The following ANK1 variants were observed in gnomAD, a reference collection of about 807,000 sequenced individuals.
ANK1 encodes ankyrin 1.
Under a neutral mutation model 210.4 loss-of-function variants are expected in ANK1, and 51 were observed. The ratio of observed to expected loss-of-function variants is 0.24; its 90% CI spans 0.19 to 0.31. The LOEUF (loss-of-function observed/expected upper bound fraction) is 0.31, where lower values mean the gene tolerates loss of function less well. Ranked by LOEUF, ANK1 falls within the 10% of genes least tolerant of loss-of-function variation. The probability of loss-of-function intolerance (pLI) is 1.00; values close to 1 mark genes in which losing one functional copy is unlikely to be tolerated. For missense variants in ANK1, 2,051 were observed against 2,504.4 expected, an observed-to-expected ratio of 0.82 and a Z score of 3.86; for synonymous variants, 967 against 1,025.9, an observed-to-expected ratio of 0.94 and a Z score of 1.10.
At chr8:41,857,541 C>G (rs1338403284) in intron 1 of ANK1, among the ~76,000 whole-genome samples, 2 of 151,814 alleles carry the variant, frequency 1.3e-5, no homozygotes, top group Non-Finnish European at 2.9e-5. Flanking sequence ...GAGTTCGAGA[C>G]CAGCCTGACC....
At chr8:41,896,252 C>T in intron 1 of ANK1, 1 of 1,393,742 alleles carries the variant, frequency 7.2e-7, no homozygotes. Flanking sequence ...CTCCGCCGCA[C>T]CGGGCGCCGC....
rs369257102 is a variant in ANK1, at chr8:41,864,066, C to T, written c.126+32289G>A. ...GAGATCCAGAGCATCCTGGCTAGCA[C>T]GGTGAAACCCCGTCTCTACTAAAAA... is the stretch of plus-strand genomic sequence containing the variant. On this transcript the variant is annotated intron_variant, in intron 1 of 42. Transcript: ENST00000265709. Among the ~76,000 whole-genome samples the T allele has an allele frequency of 9.2e-5, 14 of 151,954 alleles. No homozygotes were observed. The East Asian group carries it at 9.7e-4, about 10-fold the overall frequency.
At chr8:41,735,311 C>T (rs916576825) in intron 2 of ANK1, among the ~76,000 whole-genome samples, 3 of 152,184 alleles carry the variant, frequency 2.0e-5, no homozygotes, top group African/African-American at 7.2e-5. Context: ...ATCTTGGCTC[C>T]GTACAGAAAA....
At chr8:41,823,416 T>C (rs1234830929) in intron 1 of ANK1, among the ~76,000 whole-genome samples, 2 of 152,342 alleles carry the variant, frequency 1.3e-5, no homozygotes, top group East Asian at 3.9e-4. Flanking sequence ...TTCAATGTAG[T>C]TGTATTTTCT....
chr8:41,855,182 T>G (rs921287109), intron 1 of ANK1, among the ~76,000 whole-genome samples: 29 of 152,010 alleles, frequency 1.9e-4, no homozygotes, highest in African/African-American at 6.8e-4. Context: ...GATTGACAGG[T>G]AGATAGATAG....
chr8:41,703,440 A>T lies in ANK1; in HGVS notation c.2295+601T>A, dbSNP rs1386889739. 2.1e-3 allele frequency among the ~76,000 whole-genome samples: 146 copies of T among 68,762 alleles called. 4 individuals carry two copies. Among genetic ancestry groups the T allele is most frequent in the African/African-American group, 8.2e-3 (141 of 17,216 alleles). The allele number at this position is 68,762 out of a possible 152,430, so 45.1% of individuals were successfully genotyped here. A position where few individuals can be genotyped will look rare whatever the true frequency, so the allele number is the denominator to read the frequency against. Reference sequence around the variant, plus strand: ...TGTGTGTGTATATATATATATATATATATATATATATTTTTTTTTTTTTTT... The same window carrying T: ...TGTGTGTGTATATATATATATATATTTATATATATATTTTTTTTTTTTTTT... On this transcript the variant is annotated intron_variant, in intron 20 of 42. Transcript: ENST00000289734.
At chr8:41,820,792 A>G (rs1392600460) in intron 1 of ANK1, among the ~76,000 whole-genome samples, 1 of 152,212 alleles carries the variant, frequency 6.6e-6, no homozygotes, top group Non-Finnish European at 1.5e-5. Context: ...AGAGTCCCAC[A>G]AAATATGAGA....
At chr8:41,790,916 T>C (rs1026156265) in intron 1 of ANK1, among the ~76,000 whole-genome samples, 2 of 152,180 alleles carry the variant, frequency 1.3e-5, no homozygotes, top group African/African-American at 2.4e-5. Context: ...ATGAGGGTCC[T>C]CTAGCCATTG....
At chr8:41,701,667 A>C (rs1586235268) in intron 21 of ANK1, 45 bp from the exon 22 acceptor site, 1 of 1,495,340 alleles carries the variant, frequency 6.7e-7, no homozygotes, top group South Asian at 1.1e-5. Context: ...CTAGAGCCGC[A>C]CACATTTTTT....
At chr8:41,665,325 C>A in intron 39 of ANK1, 1 of 1,346,070 alleles carries the variant, frequency 7.4e-7, no homozygotes, top group Non-Finnish European at 9.8e-7. Flanking sequence ...AACCAGCTGC[C>A]GGAGCTGTCC....
chr8:41,695,941 G>A (rs538974235), intron 26 of ANK1, among the ~76,000 whole-genome samples: 12 of 149,454 alleles, frequency 8.0e-5, no homozygotes, highest in East Asian at 7.9e-4. Flanking sequence ...CAGGGGAAAC[G>A]GCCAGGGAGG....
At chr8:41,877,228 G>T (rs1340070712) in intron 1 of ANK1, among the ~76,000 whole-genome samples, 1 of 152,258 alleles carries the variant, frequency 6.6e-6, no homozygotes, top group African/African-American at 2.4e-5. Flanking sequence ...GGTGAAAAGG[G>T]TGGGACCCGC....
chr8:41,884,127 A>T (rs1818048185), intron 1 of ANK1, among the ~76,000 whole-genome samples: 1 of 152,166 alleles, frequency 6.6e-6, no homozygotes, highest in Non-Finnish European at 1.5e-5. Context: ...AGGCAGACAG[A>T]TTTCTTGAGA....
At chr8:41,842,251 G>C (rs1303651774) in intron 1 of ANK1, among the ~76,000 whole-genome samples, 1 of 152,204 alleles carries the variant, frequency 6.6e-6, no homozygotes, top group African/African-American at 2.4e-5. Context: ...CCAGCACTTT[G>C]GGAGGCCAAG....
In ANK1 at chr8:41,694,135, C is replaced by T; in HGVS notation, c.3328-33G>A. On this transcript the variant is annotated intron_variant, in intron 28 of 42. Coordinates refer to ENST00000289734, the MANE Select transcript of ANK1 (RefSeq NM_000037.4). The surrounding 1 kb of genome is among the most constrained non-coding windows in gnomAD (Gnocchi z 5.7). Reference sequence around the variant, plus strand: ...ATGACAGAGGCAGGACACTCAGGCCCAAGCAGGAGAGGGGCTAATCAGACG... The same window carrying T: ...ATGACAGAGGCAGGACACTCAGGCCTAAGCAGGAGAGGGGCTAATCAGACG... The T allele has an allele frequency of 1.9e-6, 3 of 1,601,898 alleles. No individual in the cohort carries two copies. The South Asian group carries it at 3.3e-5, about 18-fold the overall frequency.
intron 1 of ANK1, among the ~76,000 whole-genome samples, chr8:41,815,706 T>A (rs1029320901): frequency 6.6e-6 from 1 of 152,210 alleles, no homozygotes; most frequent in Admixed American, 6.5e-5. Flanking sequence ...ATTTTAAGAC[T>A]TAGTAACCCT....
At chr8:41,715,504 G>A in intron 14 of ANK1, 148 bp downstream of exon 14, 3 of 1,001,904 alleles carry the variant, frequency 3.0e-6, no homozygotes, top group Non-Finnish European at 4.5e-6. Flanking sequence ...GCTTGCAGGT[G>A]GTGGCCAGCC....
chr8:41,754,454 A>G (rs1211213583), intron 2 of ANK1, among the ~76,000 whole-genome samples: 1 of 152,212 alleles, frequency 6.6e-6, no homozygotes, highest in Non-Finnish European at 1.5e-5. Context: ...TTTCCACGCT[A>G]CTTAGAGTAA....
intron 2 of ANK1, among the ~76,000 whole-genome samples, chr8:41,747,116 C>G (rs1049859169): frequency 2.6e-5 from 4 of 152,042 alleles, no homozygotes; most frequent in Non-Finnish European, 4.4e-5. Context: ...AGTAATATGC[C>G]AAGATTCATA....
Sources: allele counts gnomAD v4.1 joint callset (sites outside exome capture counted in the v4.1 genomes callset), GRCh38; gene constraint gnomAD v4.1.1; non-coding constraint Gnocchi (gnomAD v3.1); transcripts MANE v1.5; gene names NCBI Gene and HGNC (gene_info 2026-07-23, HGNC 2026-07-21).